The following TRAK1 variants were observed in gnomAD, a reference collection of about 807,000 sequenced individuals.
The protein encoded by TRAK1 is trafficking kinesin protein 1.
TRAK1 carries 33 observed loss-of-function variants against 92.1 expected under a neutral mutation model. That is an observed-to-expected ratio of 0.36 (90% CI 0.27 to 0.48). The LOEUF (loss-of-function observed/expected upper bound fraction) is 0.48, where lower values mean the gene tolerates loss of function less well. Among genes scored for constraint, TRAK1 ranks in the 20% least tolerant of loss-of-function variants. The probability of loss-of-function intolerance (pLI) is 0.99; values close to 1 mark genes in which losing one functional copy is unlikely to be tolerated. For missense variants in TRAK1, 1,123 were observed against 1,257.9 expected (o/e 0.89, Z 1.62); for synonymous variants, 521 against 517.3 (o/e 1.01, Z -0.10).
At chr3:42,216,137 C>T (rs1045735143) in intron 14 of TRAK1, among the ~76,000 whole-genome samples, 1 of 152,286 alleles carries the variant, frequency 6.6e-6, no homozygotes, top group African/African-American at 2.4e-5. Flanking sequence ...TGGGCCCCAC[C>T]GGAGTGTCCC....
intron 1 of TRAK1, among the ~76,000 whole-genome samples, chr3:42,097,970 C>T (rs540583850): frequency 5.1e-4 from 78 of 152,232 alleles, no homozygotes; most frequent in African/African-American, 1.7e-3. Context: ...TTTCTATTTC[C>T]GGAGGAGTAT....
At chr3:42,123,336 C>G (rs1710142313) in intron 1 of TRAK1, among the ~76,000 whole-genome samples, 1 of 152,236 alleles carries the variant, frequency 6.6e-6, no homozygotes, top group Admixed American at 6.5e-5. Context: ...TGCCTTCCTG[C>G]CTTCCTGGCC....
chr3:42,121,480 C>T (rs1709858633), intron 1 of TRAK1, among the ~76,000 whole-genome samples: 1 of 151,976 alleles, frequency 6.6e-6, no homozygotes, highest in Non-Finnish European at 1.5e-5. Flanking sequence ...AGGATGGTCT[C>T]GATCTCCTGA....
chr3:42,138,290 C>T (rs998141623), intron 2 of TRAK1, among the ~76,000 whole-genome samples: 11 of 152,094 alleles, frequency 7.2e-5, no homozygotes, highest in East Asian at 1.9e-4. Context: ...GATTACAAAT[C>T]GTCGAAAATA....
intron 3 of TRAK1, among the ~76,000 whole-genome samples, chr3:42,180,521 A>T (rs1703849933): frequency 6.6e-6 from 1 of 152,110 alleles, no homozygotes; most frequent in South Asian, 2.1e-4. Context: ...CCAAACCTGC[A>T]TTCCAAAAAT....
At chr3:42,106,000 A>G (rs1707496434) in intron 1 of TRAK1, among the ~76,000 whole-genome samples, 2 of 152,230 alleles carry the variant, frequency 1.3e-5, no homozygotes, top group African/African-American at 2.4e-5. Context: ...GGCCTGCCTT[A>G]CAAGAGCTCC....
In TRAK1 at chr3:42,188,078, G is replaced by A. The variant is rs1423659055; in HGVS notation, c.514G>A (p.Asp172Asn). 3.1e-6 allele frequency: 5 copies of A among 1,613,956 alleles called. No individual in the cohort carries two copies. The highest frequency in any genetic ancestry group is 4.2e-6 in the Non-Finnish European group (5 of 1,180,030). The change falls in exon 5 of 16, where the codon GAT (aspartate) becomes AAT (asparagine). Residue 172 changes from aspartate (D) to asparagine (N), a missense_variant. Asp to Asn is a conservative substitution (Grantham distance 23). Transcript: ENST00000327628. Reference protein sequence around the residue: ...SQLRHELSMKDELLQFYTSAA... With the variant: ...SQLRHELSMKNELLQFYTSAA... The stretch of plus-strand genomic sequence containing the variant: ...GCTCCGGCATGAGCTGTCCATGAAG[G>A]ATGAGCTGCTTCAGTTCTACACCAG...
At chr3:42,146,111 G>T in intron 2 of TRAK1, 1 of 466,460 alleles carries the variant, frequency 2.1e-6, no homozygotes, top group South Asian at 1.7e-5. Flanking sequence ...CAAGTGCACT[G>T]ATTTATACAC....
At position 42,201,142 on chromosome 3, in the gene TRAK1, G is replaced by C. The variant is rs1204231425; in HGVS notation, c.1427+88G>C. 19 of 1,389,338 alleles carry C rather than the reference G, an allele frequency of 1.4e-5. No individual in the cohort carries two copies. The Admixed American group carries it at 3.4e-4, about 25-fold the overall frequency. The allele number at this position is 1,389,338 out of a possible 1,614,324, so 86.1% of individuals were successfully genotyped here. A position where few individuals can be genotyped will look rare whatever the true frequency, so the allele number is the denominator to read the frequency against. On this transcript the variant is annotated intron_variant, in intron 12 of 15. Transcript: ENST00000327628. ...TGCAGGCTCAGTAATTATTAAGAGG[G>C]AGGTAGATGAGAGTCACCTGAAAAA...
chr3:42,174,566 G>C (rs1170762739), intron 2 of TRAK1, among the ~76,000 whole-genome samples: 2 of 151,316 alleles, frequency 1.3e-5, no homozygotes, highest in African/African-American at 2.4e-5. Context: ...TGCCTCCCGG[G>C]TTCAAGTGAT....
intron 14 of TRAK1, among the ~76,000 whole-genome samples, chr3:42,213,053 GAT>G (rs1709259565): frequency 8.6e-6 from 1 of 115,914 alleles, no homozygotes; most frequent in Non-Finnish European, 1.8e-5. Flanking sequence ...TTGGAGCTGA[GAT>G]TTTTTTTTTT....
chr3:42,184,593 C>A, intron 3 of TRAK1, 92 bp from the exon 4 acceptor site: 2 of 1,194,890 alleles, frequency 1.7e-6, no homozygotes, highest in South Asian at 1.4e-5. Flanking sequence ...TTTCTAGATG[C>A]TTATGTTTTC....
intron 14 of TRAK1, chr3:42,218,747 C>T: frequency 1.0e-6 from 1 of 985,368 alleles, no homozygotes; most frequent in Non-Finnish European, 1.2e-6. Flanking sequence ...GTTGCCATCC[C>T]ATTTTCATTA....
At position 42,191,736 on chromosome 3, in the gene TRAK1, A is replaced by G. The variant is rs1462488896; in HGVS notation, c.769+100A>G. 4.6e-6 allele frequency: 6 copies of G among 1,303,792 alleles called. No homozygotes were observed. The Admixed American group carries it at 7.1e-5, about 15-fold the overall frequency. The allele number at this position is 1,303,792 out of a possible 1,614,324, so 80.8% of individuals were successfully genotyped here. Reference sequence around the variant, plus strand: ...CTAAAGTGCAGTCTCCTGCCAGCCTACGGCTCAGCAGCATTTTTCTTAAAA... The same window carrying G: ...CTAAAGTGCAGTCTCCTGCCAGCCTGCGGCTCAGCAGCATTTTTCTTAAAA... On this transcript the variant is annotated intron_variant, in intron 7 of 15. Coordinates refer to ENST00000327628, the MANE Select transcript of TRAK1 (RefSeq NM_001042646.3).
At chr3:42,132,023 C>G (rs577690891) in intron 2 of TRAK1, among the ~76,000 whole-genome samples, 1 of 148,432 alleles carries the variant, frequency 6.7e-6, no homozygotes, top group Non-Finnish European at 1.5e-5. Flanking sequence ...GAGCCAAGAT[C>G]GTGCCACTGC....
upstream of TRAK1, among the ~76,000 whole-genome samples, chr3:42,084,192 A>G (rs1468312597): frequency 6.6e-6 from 1 of 152,062 alleles, no homozygotes; most frequent in Admixed American, 6.6e-5. Context: ...TGGAACTCTC[A>G]TCAGTGTGCC....
At chr3:42,083,156 A>C (rs1281166357), upstream of TRAK1, among the ~76,000 whole-genome samples, 1 of 152,226 alleles carries the variant, frequency 6.6e-6, no homozygotes, top group Non-Finnish European at 1.5e-5. Context: ...TCACTTGTGA[A>C]CTTGAGCATC....
intron 2 of TRAK1, among the ~76,000 whole-genome samples, chr3:42,129,831 A>G (rs902945236): frequency 6.6e-6 from 1 of 152,108 alleles, no homozygotes; most frequent in African/African-American, 2.4e-5. Flanking sequence ...GTCTGACTCC[A>G]TCTCTTACCC....
intron 2 of TRAK1, among the ~76,000 whole-genome samples, chr3:42,143,725 G>C (rs564144956): frequency 2.0e-5 from 3 of 152,100 alleles, no homozygotes; most frequent in Non-Finnish European, 2.9e-5. Context: ...TAGGGAGGAG[G>C]CTGCTTTTTC....
Sources: gnomAD v4.1 joint callset for allele counts (sites outside exome capture counted in the v4.1 genomes callset) on GRCh38, gnomAD v4.1.1 for gene constraint, MANE v1.5 for transcripts, NCBI Gene and HGNC (gene_info 2026-07-23, HGNC 2026-07-21) for gene names.